GPD2: variants seen among roughly 807,000 people sequenced by gnomAD.
The protein encoded by GPD2 is glycerol-3-phosphate dehydrogenase, mitochondrial.
A neutral mutation model predicts 82.4 loss-of-function variants in GPD2; 54 were observed. The ratio of observed to expected loss-of-function variants is 0.66; its 90% CI spans 0.53 to 0.82. The LOEUF is 0.82. GPD2 is among the 40% of genes least tolerant of loss of function. GPD2 has a pLI of 0.00. For synonymous variants in GPD2, 288 were observed against 306.1 expected, an observed-to-expected ratio of 0.94 and a Z score of 0.62; for missense variants, 748 against 896.2, an observed-to-expected ratio of 0.83 and a Z score of 2.11.
intron 1 of GPD2, among the ~76,000 whole-genome samples, chr2:156,440,832 A>G (rs1242555879): frequency 6.6e-6 from 1 of 152,228 alleles, no homozygotes; most frequent in East Asian, 1.9e-4. Context: ...AGTTCTGACT[A>G]AAGAACTTTT....
chr2:156,480,568 G>A (rs1313925388), intron 2 of GPD2, among the ~76,000 whole-genome samples: 1 of 152,076 alleles, frequency 6.6e-6, no homozygotes, highest in East Asian at 1.9e-4. Flanking sequence ...GGTCAGAAGA[G>A]TGGTCTTTCT....
At chr2:156,505,470 T>C (rs1684753595) in intron 3 of GPD2, among the ~76,000 whole-genome samples, 1 of 152,192 alleles carries the variant, frequency 6.6e-6, no homozygotes, top group South Asian at 2.1e-4. Flanking sequence ...CACTAAATGT[T>C]CTGTTTCATC....
At chr2:156,453,387 A>G (rs1682682481) in intron 1 of GPD2, among the ~76,000 whole-genome samples, 1 of 152,226 alleles carries the variant, frequency 6.6e-6, no homozygotes, top group South Asian at 2.1e-4. Flanking sequence ...TAATGCCAAG[A>G]TGGTGGAATG....
At chr2:156,404,057 A>C in the GPD2 span, among the ~76,000 whole-genome samples, 1 of 152,160 alleles carries the variant, frequency 6.6e-6, no homozygotes, top group Non-Finnish European at 1.5e-5. Flanking sequence ...TATATGAGTC[A>C]GTAAATTGCC....
chr2:156,468,164 C>G (rs1683210059), intron 1 of GPD2, among the ~76,000 whole-genome samples: 1 of 152,126 alleles, frequency 6.6e-6, no homozygotes. Flanking sequence ...TAAAACACAT[C>G]TAGTTCAAGC....
upstream of GPD2, chr2:156,435,229 CT>C (rs1688391294): frequency 3.3e-5 from 5 of 152,192 alleles, no homozygotes; most frequent in South Asian, 1.0e-3. Flanking sequence ...TTTCTTCCTT[CT>C]TTTGGAAAGG....
At chr2:156,579,666 A>G (rs550049614) in intron 15 of GPD2, 24 bp from the exon 16 acceptor site, 13 of 1,074,394 alleles carry the variant, frequency 1.2e-5, no homozygotes, top group Admixed American at 1.2e-4. Flanking sequence ...AAACTGTATT[A>G]TTCTATGCTT....
chr2:156,426,803 G>T, the GPD2 span, among the ~76,000 whole-genome samples: 4 of 147,322 alleles, frequency 2.7e-5, no homozygotes, highest in African/African-American at 1.0e-4. Flanking sequence ...GGAAAGAAAG[G>T]TACAATCCCA....
intron 6 of GPD2, among the ~76,000 whole-genome samples, chr2:156,538,930 T>A (rs773552794): frequency 6.6e-6 from 1 of 151,916 alleles, no homozygotes; most frequent in Non-Finnish European, 1.5e-5. Context: ...GTTAAAGATA[T>A]CTTTGTCAAG....
In GPD2 at chr2:156,549,868, A is replaced by T. The variant is rs898860661; in HGVS notation, c.826+96A>T. ...TTTTTCTGTCACTTCTCTTTCATTT[A>T]TGCCACGCTTCAGAGTCATATTAAT... On this transcript the variant is annotated intron_variant, in intron 7 of 16. Transcript: ENST00000438166. 10 of 890,488 alleles carry T rather than the reference A, an allele frequency of 1.1e-5. No homozygotes were observed. The East Asian group carries it at 2.6e-4, about 23-fold the overall frequency. 55.2% of individuals were successfully genotyped at this position (890,488 alleles called of 1,614,324 possible).
chr2:156,521,798 C>G (rs1685417480), intron 6 of GPD2, among the ~76,000 whole-genome samples: 1 of 152,146 alleles, frequency 6.6e-6, no homozygotes, highest in African/African-American at 2.4e-5. Flanking sequence ...TGATTTAAAA[C>G]ATATTTGCTT....
At chr2:156,406,205 C>A in the GPD2 span, among the ~76,000 whole-genome samples, 3 of 152,082 alleles carry the variant, frequency 2.0e-5, no homozygotes, top group Admixed American at 1.3e-4. Context: ...ATTTTAGAAT[C>A]ACAAGTAGTA....
At chr2:156,469,758 T>G (rs531336944) in intron 1 of GPD2, among the ~76,000 whole-genome samples, 1 of 152,320 alleles carries the variant, frequency 6.6e-6, no homozygotes, top group African/African-American at 2.4e-5. Flanking sequence ...AGAAATATGC[T>G]TACTTCTATG....
intron 6 of GPD2, among the ~76,000 whole-genome samples, chr2:156,548,933 C>T (rs976141397): frequency 6.6e-6 from 1 of 151,976 alleles, no homozygotes; most frequent in East Asian, 1.9e-4. Flanking sequence ...CCCCCTTCTC[C>T]TCCCCCTTAG....
intron 9 of GPD2, among the ~76,000 whole-genome samples, chr2:156,561,040 C>CTTT (rs35948070): frequency 0.016 from 444 of 27,630 alleles, 30 homozygotes; most frequent in Non-Finnish European, 0.017. Flanking sequence ...TGACATTAAG[C>CTTT]TTTTTTTTTT....
At chr2:156,505,043 T>G (rs1684734270) in intron 3 of GPD2, among the ~76,000 whole-genome samples, 1 of 152,168 alleles carries the variant, frequency 6.6e-6, no homozygotes, top group African/African-American at 2.4e-5. Context: ...TAAAATATAC[T>G]TCTGTTCTAT....
upstream of GPD2, among the ~76,000 whole-genome samples, chr2:156,432,360 C>T (rs931323663): frequency 5.3e-5 from 8 of 152,144 alleles, no homozygotes; most frequent in Non-Finnish European, 8.8e-5. Context: ...GATTCCATCA[C>T]CCACATACTG....
chr2:156,430,506 C>T (rs1306372426), upstream of GPD2, among the ~76,000 whole-genome samples: 6 of 152,178 alleles, frequency 3.9e-5, no homozygotes, highest in Non-Finnish European at 1.5e-5. Context: ...GCTAGAGAAC[C>T]AGACCATGGT....
At chr2:156,421,875 C>T in the GPD2 span, among the ~76,000 whole-genome samples, 25 of 152,160 alleles carry the variant, frequency 1.6e-4, no homozygotes, top group African/African-American at 5.8e-4. Flanking sequence ...CCTGTAATCC[C>T]AGCACTTTGG....
Sources: allele counts gnomAD v4.1 joint callset (sites outside exome capture counted in the v4.1 genomes callset), GRCh38; gene constraint gnomAD v4.1.1; transcripts MANE v1.5; gene names NCBI Gene and HGNC (gene_info 2026-07-23, HGNC 2026-07-21).